Variants in DIAPH2 observed in about 807,000 individuals in gnomAD.
DIAPH2 encodes the protein diaphanous related formin 2.
Under a neutral mutation model 92.7 loss-of-function variants are expected in DIAPH2, and 35 were observed. That is an observed-to-expected ratio of 0.38 (90% CI 0.29 to 0.50). DIAPH2 has a LOEUF of 0.50. Ranked by LOEUF, DIAPH2 falls within the 20% of genes least tolerant of loss-of-function variation. The pLI is 0.94. For synonymous variants in DIAPH2, 301 were observed against 280.4 expected (o/e 1.07, Z -0.73); for missense variants, 701 against 819.5 (o/e 0.86, Z 1.77).
chrX:97,401,824 AG>A (rs1295353716), intron 25 of DIAPH2, among the ~76,000 whole-genome samples: 1 of 112,729 alleles, frequency 8.9e-6, no homozygotes, highest in Non-Finnish European at 1.9e-5. Context: ...CCATAAAGCC[AG>A]TTTAGTGCTA....
chrX:96,871,494 AG>A (rs1177986385), intron 4 of DIAPH2, among the ~76,000 whole-genome samples: 37 of 105,893 alleles, frequency 3.5e-4, no homozygotes, highest in African/African-American at 1.1e-3. Context: ...AAAAAAAAAA[AG>A]GTAGTGTACT....
chrX:96,784,327 T>C (rs1478877166), intron 4 of DIAPH2, among the ~76,000 whole-genome samples: 1 of 112,284 alleles, frequency 8.9e-6, no homozygotes, highest in Non-Finnish European at 1.9e-5. Context: ...ACCACCCTTA[T>C]GTGTTCATTG....
chrX:97,221,443 G>T (rs189212125), intron 22 of DIAPH2, among the ~76,000 whole-genome samples: 3 of 110,893 alleles, frequency 2.7e-5, no homozygotes, highest in African/African-American at 9.8e-5. Flanking sequence ...TCTGAATTTG[G>T]GTAAAAATAA....
At position 96,918,572 on chromosome X, in the gene DIAPH2, A is replaced by G; in HGVS notation, c.933A>G (p.Ser311=). The G allele has an allele frequency of 8.3e-7, 1 of 1,207,432 alleles. No individual in the cohort carries two copies. Residue 311 remains serine, a synonymous_variant, in exon 9 of 27, where the codon TCA becomes TCG. Transcript: ENST00000324765. ...AAAGAAATAACAGGGAACGATTTTC[A>G]CCAATTGTGGAAGGTTTAGAAAATC... is the stretch of plus-strand genomic sequence containing the variant. ...AAERNNRERF[S]PIVEGLENQE...
At chrX:97,040,579 T>A (rs2066441972) in intron 17 of DIAPH2, among the ~76,000 whole-genome samples, 2 of 111,030 alleles carry the variant, frequency 1.8e-5, no homozygotes, top group African/African-American at 6.5e-5. Context: ...CTGGAGGCGC[T>A]TTTGCACTGC....
chrX:96,858,454 A>C (rs762622567), intron 4 of DIAPH2, among the ~76,000 whole-genome samples: 103 of 112,344 alleles, frequency 9.2e-4, no homozygotes, highest in African/African-American at 3.2e-3. Flanking sequence ...TGCTCTGGTC[A>C]TGAGAATGCA....
intron 4 of DIAPH2, among the ~76,000 whole-genome samples, chrX:96,857,745 G>A (rs976834941): frequency 8.9e-6 from 1 of 112,549 alleles, no homozygotes; most frequent in African/African-American, 3.2e-5. Context: ...TGCTTTCAGC[G>A]ATATAGCTGC....
chrX:97,388,808 T>C (rs2069625920), intron 25 of DIAPH2, among the ~76,000 whole-genome samples: 1 of 111,626 alleles, frequency 9.0e-6, no homozygotes. Context: ...ATAGTAAACC[T>C]TTTCATGTTA....
intron 4 of DIAPH2, among the ~76,000 whole-genome samples, chrX:96,760,011 A>G (rs887179757): frequency 8.9e-6 from 1 of 111,794 alleles, no homozygotes; most frequent in African/African-American, 3.2e-5. Flanking sequence ...TGAAAATTCT[A>G]TGTTTAAGGC....
intron 22 of DIAPH2, among the ~76,000 whole-genome samples, chrX:97,209,076 G>A (rs748694849): frequency 1.0e-4 from 11 of 110,476 alleles, no homozygotes; most frequent in Admixed American, 2.9e-4. Context: ...GTCTTCTATA[G>A]AGCACAGAGA....
chrX:97,501,195 C>T (rs1015926416), intron 26 of DIAPH2, among the ~76,000 whole-genome samples: 4 of 110,691 alleles, frequency 3.6e-5, no homozygotes, highest in African/African-American at 1.3e-4. Flanking sequence ...ATTGACAGAC[C>T]ACACTGTACG....
intron 8 of DIAPH2, among the ~76,000 whole-genome samples, chrX:96,917,376 G>A (rs1354759180): frequency 2.7e-5 from 3 of 111,155 alleles, no homozygotes; most frequent in South Asian, 3.8e-4. Context: ...ATGTTGCTTA[G>A]TGTTAGCTAC....
intron 22 of DIAPH2, among the ~76,000 whole-genome samples, chrX:97,169,995 G>T (rs1453512485): frequency 8.9e-6 from 1 of 112,081 alleles, no homozygotes; most frequent in Non-Finnish European, 1.9e-5. Flanking sequence ...GTTATTTTTT[G>T]ACATGAGTAA....
chrX:97,583,146 G>A (rs2071452212), intron 26 of DIAPH2, among the ~76,000 whole-genome samples: 1 of 111,714 alleles, frequency 9.0e-6, no homozygotes, highest in African/African-American at 3.3e-5. Context: ...AGAGTAATTT[G>A]ATCGTCTGAA....
intron 26 of DIAPH2, among the ~76,000 whole-genome samples, chrX:97,510,063 AGATCCCTGAGGAATC>A (rs779838815): frequency 1.3e-3 from 142 of 110,938 alleles, no homozygotes; most frequent in African/African-American, 4.3e-3. Context: ...TTCTAGTTCT[AGATCCCTGAGGAATC>A]GCCACACTGA....
intron 4 of DIAPH2, among the ~76,000 whole-genome samples, chrX:96,872,578 A>G (rs1394625168): frequency 1.1e-5 from 1 of 93,226 alleles, no homozygotes; most frequent in African/African-American, 4.1e-5. Flanking sequence ...TGCAACCTCC[A>G]CCTCCCTGAT....
At chrX:97,192,314 AG>A (rs770266614) in intron 22 of DIAPH2, among the ~76,000 whole-genome samples, 49 of 90,600 alleles carry the variant, frequency 5.4e-4, no homozygotes, top group Non-Finnish European at 4.3e-4. Context: ...AAAAAAAAAA[AG>A]AAAAGAAAAG....
In DIAPH2 at chrX:97,002,042, C is replaced by G. The variant is rs368639108; in HGVS notation, c.2050+36835C>G. Among the ~76,000 whole-genome samples the G allele has an allele frequency of 7.2e-5, 8 of 110,367 alleles. No individual in the cohort carries two copies. In the South Asian group the frequency reaches 1.2e-3, roughly 16 times the overall value. On this transcript the variant is annotated intron_variant, in intron 17 of 26. Coordinates refer to ENST00000324765, the MANE Select transcript of DIAPH2 (RefSeq NM_006729.5). ...AAAAAAGGTGATGGACAAATACTGT[C>G]TTGATAATTCAAGTCAATAATCCAC...
At chrX:97,026,839 C>T (rs981526203) in intron 17 of DIAPH2, among the ~76,000 whole-genome samples, 1 of 112,088 alleles carries the variant, frequency 8.9e-6, no homozygotes, top group Admixed American at 9.5e-5. Flanking sequence ...CTTTGCATGT[C>T]TTGTGTGAGG....
Sources: gnomAD v4.1 joint callset for allele counts (sites outside exome capture counted in the v4.1 genomes callset) on GRCh38, gnomAD v4.1.1 for gene constraint, MANE v1.5 for transcripts, NCBI Gene and HGNC (gene_info 2026-07-23, HGNC 2026-07-21) for gene names.